GPATCH2L: variants seen among roughly 807,000 people sequenced by gnomAD.
GPATCH2L encodes G-patch domain containing 2 like, also known as G patch domain-containing protein 2-like.
Under a neutral mutation model 57.4 loss-of-function variants are expected in GPATCH2L, and 31 were observed. The ratio of observed to expected loss-of-function variants is 0.54; its 90% confidence interval spans 0.41 to 0.73. The LOEUF (loss-of-function observed/expected upper bound fraction) is 0.73, where lower values mean the gene tolerates loss of function less well. Ranked by LOEUF, GPATCH2L falls within the 30% of genes least tolerant of loss-of-function variation. The pLI is 0.00. For missense variants in GPATCH2L, 481 were observed against 599.9 expected (o/e 0.80, Z 2.07); for synonymous variants, 199 against 210.7 (o/e 0.94, Z 0.48).
chr14:76,169,669 CTGCT>C (rs1160793909), intron 3 of GPATCH2L, among the ~76,000 whole-genome samples: 1 of 152,166 alleles, frequency 6.6e-6, no homozygotes, highest in African/African-American at 2.4e-5. Context: ...TCTTGAATGA[CTGCT>C]TGAGAACCAA....
chr14:76,170,908 C>T (rs1013907439), intron 3 of GPATCH2L, among the ~76,000 whole-genome samples: 4 of 152,090 alleles, frequency 2.6e-5, no homozygotes, highest in Non-Finnish European at 5.9e-5. Context: ...CTTCTCTAGG[C>T]TTTAGTTGCC....
chr14:76,166,282 A>G lies in GPATCH2L; in HGVS notation c.663-381A>G, dbSNP rs959569827. Among the ~76,000 whole-genome samples the G allele has an allele frequency of 2.0e-5, 3 of 152,370 alleles. No homozygotes were observed. In the South Asian group the frequency reaches 6.2e-4, roughly 32 times the overall value. On this transcript the variant is annotated intron_variant, in intron 2 of 9. Coordinates refer to ENST00000261530, the MANE Select transcript of GPATCH2L (RefSeq NM_017926.4). Reference sequence around the variant, plus strand: ...AAGATGCTAGATGTCTTAAAATTACATAGCTTCATTTGAAACTGATAGTTG... The same window carrying G: ...AAGATGCTAGATGTCTTAAAATTACGTAGCTTCATTTGAAACTGATAGTTG...
At chr14:76,170,432 A>T (rs911270829) in intron 3 of GPATCH2L, among the ~76,000 whole-genome samples, 8 of 152,224 alleles carry the variant, frequency 5.3e-5, no homozygotes, top group Admixed American at 5.2e-4. Context: ...AGATACTATC[A>T]CTATAGCCAG....
At chr14:76,177,276 G>A (rs2039369526) in intron 6 of GPATCH2L, among the ~76,000 whole-genome samples, 1 of 152,092 alleles carries the variant, frequency 6.6e-6, no homozygotes, top group Non-Finnish European at 1.5e-5. Flanking sequence ...GAACTCCTGG[G>A]CTCAAGCGAT....
At chr14:76,183,453 A>C (rs2039650567) in intron 8 of GPATCH2L, among the ~76,000 whole-genome samples, 1 of 152,222 alleles carries the variant, frequency 6.6e-6, no homozygotes, top group Admixed American at 6.5e-5. Flanking sequence ...TTTTAAACTT[A>C]CATTTATTTA....
At chr14:76,177,526 C>T (rs931739298) in intron 6 of GPATCH2L, among the ~76,000 whole-genome samples, 5 of 151,596 alleles carry the variant, frequency 3.3e-5, no homozygotes, top group Admixed American at 1.3e-4. Flanking sequence ...ACATCCAACT[C>T]GGGCTAATTT....
intron 1 of GPATCH2L, among the ~76,000 whole-genome samples, chr14:76,153,256 G>C (rs1017864773): frequency 6.6e-6 from 1 of 152,212 alleles, no homozygotes; most frequent in African/African-American, 2.4e-5. Flanking sequence ...ATTTTAAGCT[G>C]ATCTTGAAAT....
chr14:76,166,373 G>C (rs989671415), intron 2 of GPATCH2L, among the ~76,000 whole-genome samples: 2 of 152,180 alleles, frequency 1.3e-5, no homozygotes, highest in African/African-American at 4.8e-5. Flanking sequence ...TACCAAACTA[G>C]GTTGAGATTA....
chr14:76,188,556 A>AT (rs1183051671), intron 8 of GPATCH2L, among the ~76,000 whole-genome samples: 8 of 144,460 alleles, frequency 5.5e-5, no homozygotes, highest in Non-Finnish European at 1.2e-4. Flanking sequence ...GGATTATTAG[A>AT]TTTTTTTTCT....
intron 8 of GPATCH2L, among the ~76,000 whole-genome samples, chr14:76,188,739 G>A (rs1225109539): frequency 6.6e-6 from 1 of 151,940 alleles, no homozygotes; most frequent in Non-Finnish European, 1.5e-5. Context: ...TTTTGCCTTG[G>A]TTGTTGTGAT....
intron 4 of GPATCH2L, among the ~76,000 whole-genome samples, chr14:76,173,035 A>G (rs929444250): frequency 6.6e-6 from 1 of 152,192 alleles, no homozygotes; most frequent in Non-Finnish European, 1.5e-5. Context: ...TCCAGAGACA[A>G]TCTCATTAAT....
chr14:76,183,639 C>T (rs1340212882), intron 8 of GPATCH2L, among the ~76,000 whole-genome samples: 1 of 152,108 alleles, frequency 6.6e-6, no homozygotes, highest in East Asian at 1.9e-4. Flanking sequence ...AAATGATCAG[C>T]GCAAGTGACT....
chr14:76,172,755 G>C (rs1404876757), intron 4 of GPATCH2L, among the ~76,000 whole-genome samples: 1 of 152,180 alleles, frequency 6.6e-6, no homozygotes, highest in East Asian at 1.9e-4. Context: ...GTTGCCAAGA[G>C]TTTGTTGAAC....
rs551768774 is a variant in GPATCH2L, at chr14:76,203,256, T to C, written c.*1405T>C. ...TCAAAGGGAGGTGGGTGGGCATGAA[T>C]CTAGTTGGAAAAGGGGACTTGAAGC... On this transcript the variant is annotated 3_prime_UTR_variant, in exon 10 of 10. Transcript: ENST00000261530. The C allele has an allele frequency of 6.6e-6, 1 of 152,302 alleles. No homozygotes were observed. The highest frequency in any genetic ancestry group is 1.9e-4 in the East Asian group (1 of 5,186). The allele number at this position is 152,302 out of a possible 1,614,324, so 9.4% of individuals were successfully genotyped here. A position where few individuals can be genotyped will look rare whatever the true frequency, so the allele number is the denominator to read the frequency against.
rs1475627291 is a variant in GPATCH2L, at chr14:76,166,720, G to A, written c.720G>A (p.Gly240=). 4 of 1,602,492 alleles carry A rather than the reference G, an allele frequency of 2.5e-6. No individual in the cohort carries two copies. The highest frequency in any genetic ancestry group is 3.4e-6 in the Non-Finnish European group (4 of 1,169,562). Residue 240 remains glycine, a synonymous_variant, in exon 3 of 10, where the codon GGG becomes GGA. Transcript: ENST00000261530. ...SDTGLFTNDE[G]RQGDDEQSDW... The stretch of plus-strand genomic sequence containing the variant: ...CTGGGCTCTTTACCAATGATGAAGG[G>A]CGACAAGGTAATGTCGATCCCAGCT...
chr14:76,225,830 T>C (rs1446319854), intron 1 of GPATCH2L, among the ~76,000 whole-genome samples: 2 of 152,158 alleles, frequency 1.3e-5, no homozygotes, highest in Non-Finnish European at 2.9e-5. Context: ...CAAAAGAGAA[T>C]ATCTGAATGG....
Position 76,206,422 on chromosome 14 carries a change from A to G in GPATCH2L, c.*4571A>G, listed in dbSNP as rs938864033. 1.3e-5 allele frequency: 2 copies of G among 152,250 alleles called. No individual in the cohort carries two copies. Among genetic ancestry groups the G allele is most frequent in the Non-Finnish European group, 2.9e-5 (2 of 68,054 alleles). The allele number at this position is 152,250 out of a possible 1,614,324, so 9.4% of individuals were successfully genotyped here. ...ACAGGGTTTTTAACAAGTCCAGCAA[A>G]ACAAACTATGGCCAAAAGAAGAAAT... On this transcript the variant is annotated 3_prime_UTR_variant, in exon 10 of 10. Transcript: ENST00000261530.
intron 2 of GPATCH2L, among the ~76,000 whole-genome samples, chr14:76,160,409 G>T (rs971265717): frequency 6.6e-6 from 1 of 152,154 alleles, no homozygotes; most frequent in Non-Finnish European, 1.5e-5. Flanking sequence ...TAGGCCATCT[G>T]TATTCTCTAT....
intron 9 of GPATCH2L, among the ~76,000 whole-genome samples, chr14:76,199,727 G>T (rs1315153054): frequency 6.6e-6 from 1 of 152,126 alleles, no homozygotes; most frequent in Non-Finnish European, 1.5e-5. Flanking sequence ...GTAAAATCAT[G>T]CATTGCTGTG....
Sources: gnomAD v4.1 joint callset for allele counts (sites outside exome capture counted in the v4.1 genomes callset) on GRCh38, gnomAD v4.1.1 for gene constraint, MANE v1.5 for transcripts, NCBI Gene and HGNC (gene_info 2026-07-23, HGNC 2026-07-21) for gene names.